ZFAND3: variants seen among roughly 807,000 people sequenced by gnomAD.
ZFAND3 encodes the protein AN1-type zinc finger protein 3.
Under a neutral mutation model 29.6 loss-of-function variants are expected in ZFAND3, and 10 were observed. That is an observed-to-expected ratio of 0.34 (90% CI 0.21 to 0.57). The LOEUF is 0.57. ZFAND3 is among the 20% of genes least tolerant of loss of function. The pLI is 0.86. For missense variants in ZFAND3, 230 were observed against 304.5 expected (o/e 0.76, Z 1.82); for synonymous variants, 128 against 112.6 (o/e 1.14, Z -0.87).
At chr6:37,977,333 G>A (rs988707737) in intron 2 of ZFAND3, among the ~76,000 whole-genome samples, 97 of 152,180 alleles carry the variant, frequency 6.4e-4, no homozygotes, top group African/African-American at 2.2e-3. Flanking sequence ...ACTGAGTCTC[G>A]CTCTGTCGCC....
intron 1 of ZFAND3, among the ~76,000 whole-genome samples, chr6:37,887,015 C>A (rs1248241951): frequency 2.0e-5 from 3 of 151,762 alleles, no homozygotes; most frequent in African/African-American, 4.9e-5. Context: ...AAAAAAAGAA[C>A]CAAAAACTGT....
chr6:38,105,936 T>A (rs1410073131), intron 4 of ZFAND3, among the ~76,000 whole-genome samples: 1 of 152,010 alleles, frequency 6.6e-6, no homozygotes, highest in Non-Finnish European at 1.5e-5. Context: ...ACCATTGACA[T>A]TTTAGTGAGA....
At chr6:37,970,889 A>C (rs1159165967) in intron 2 of ZFAND3, among the ~76,000 whole-genome samples, 1 of 152,084 alleles carries the variant, frequency 6.6e-6, no homozygotes, top group African/African-American at 2.4e-5. Flanking sequence ...TGGGCTACAG[A>C]GCGAGACTCC....
intron 1 of ZFAND3, among the ~76,000 whole-genome samples, chr6:37,866,861 C>G (rs191551313): frequency 3.9e-5 from 6 of 152,234 alleles, no homozygotes; most frequent in East Asian, 1.9e-4. Flanking sequence ...CTTCACGAAG[C>G]CTTTTAGGAA....
intron 2 of ZFAND3, among the ~76,000 whole-genome samples, chr6:37,991,815 A>G (rs1762763884): frequency 6.6e-6 from 1 of 152,068 alleles, no homozygotes; most frequent in Non-Finnish European, 1.5e-5. Context: ...CATATTTTTC[A>G]GTGATTGTTT....
intron 2 of ZFAND3, among the ~76,000 whole-genome samples, chr6:37,966,289 T>G (rs1003053932): frequency 6.6e-6 from 1 of 152,208 alleles, no homozygotes; most frequent in African/African-American, 2.4e-5. Context: ...GGGTTGGGTA[T>G]TCTCTTCCAA....
chr6:38,123,709 C>T lies in ZFAND3; in HGVS notation c.529+6970C>T, dbSNP rs572360432. The stretch of plus-strand genomic sequence containing the variant: ...CTCACTGACTTCAAGAATGAAGCTG[C>T]GGACCCTTGCGGTGAGTGTTACGGT... On this transcript the variant is annotated intron_variant, in intron 5 of 5. Transcript: ENST00000287218. 1.8e-4 allele frequency among the ~76,000 whole-genome samples: 27 copies of T among 152,188 alleles called. 1 individual carries two copies. The highest frequency in any genetic ancestry group is 4.2e-4 in the South Asian group (2 of 4,800).
intron 2 of ZFAND3, among the ~76,000 whole-genome samples, chr6:37,980,733 T>G (rs1235428148): frequency 6.6e-6 from 1 of 151,574 alleles, no homozygotes; most frequent in Admixed American, 6.6e-5. Context: ...GTCAAGAGTT[T>G]TATGACTTCA....
chr6:37,982,603 ATATC>A (rs944968124), intron 2 of ZFAND3, among the ~76,000 whole-genome samples: 6 of 152,204 alleles, frequency 3.9e-5, no homozygotes, highest in Non-Finnish European at 5.9e-5. Flanking sequence ...TTGTGTAAGT[ATATC>A]TACTGTGCTG....
chr6:37,918,551 CT>C (rs1464399037), intron 1 of ZFAND3, among the ~76,000 whole-genome samples: 10 of 152,094 alleles, frequency 6.6e-5, no homozygotes, highest in Non-Finnish European at 1.3e-4. Flanking sequence ...AATAATAATA[CT>C]TTAGGTTACT....
At chr6:38,092,567 T>C (rs146818950) in intron 4 of ZFAND3, among the ~76,000 whole-genome samples, 134 of 152,266 alleles carry the variant, frequency 8.8e-4, no homozygotes, top group African/African-American at 2.9e-3. Context: ...TTTAGAGTCA[T>C]GGGGAATGAT....
At chr6:38,029,050 G>A (rs1763500420) in intron 2 of ZFAND3, among the ~76,000 whole-genome samples, 1 of 152,154 alleles carries the variant, frequency 6.6e-6, no homozygotes, top group African/African-American at 2.4e-5. Context: ...AGAAAAATAA[G>A]TTAGTAGAAC....
At chr6:37,897,064 G>A (rs1402837567) in intron 1 of ZFAND3, among the ~76,000 whole-genome samples, 1 of 151,568 alleles carries the variant, frequency 6.6e-6, no homozygotes, top group Non-Finnish European at 1.5e-5. Context: ...CAAGTATGAT[G>A]TTAAATTTAC....
intron 2 of ZFAND3, among the ~76,000 whole-genome samples, chr6:37,950,762 T>TA (rs1042967895): frequency 2.0e-4 from 31 of 152,346 alleles, no homozygotes; most frequent in African/African-American, 7.2e-4. Context: ...TTACCAGTAC[T>TA]ATGCTGTTCT....
chr6:37,856,289 C>T (rs1465026956), intron 1 of ZFAND3, among the ~76,000 whole-genome samples: 1 of 152,186 alleles, frequency 6.6e-6, no homozygotes, highest in African/African-American at 2.4e-5. Flanking sequence ...GCCACTGTGC[C>T]TGGCTGGTTC....
chr6:38,085,445 G>A (rs1160296379), intron 4 of ZFAND3, among the ~76,000 whole-genome samples: 1 of 152,130 alleles, frequency 6.6e-6, no homozygotes, highest in Non-Finnish European at 1.5e-5. Context: ...AGACTAAGGT[G>A]GTTCTTTAAG....
At chr6:38,082,617 C>G (rs1360741708) in intron 4 of ZFAND3, among the ~76,000 whole-genome samples, 160 bp downstream of exon 4, 1 of 152,032 alleles carries the variant, frequency 6.6e-6, no homozygotes, top group African/African-American at 2.4e-5. Flanking sequence ...CAGCAGAGGT[C>G]AGAATGATGT....
chr6:38,061,488 T>C, intron 2 of ZFAND3, 105 bp from the exon 3 acceptor site: 1 of 1,357,544 alleles, frequency 7.4e-7, no homozygotes, highest in Non-Finnish European at 1.0e-6. Flanking sequence ...GATCAGTCTT[T>C]ATTATTGGTG....
At chr6:37,923,998 A>C (rs1408739954) in intron 1 of ZFAND3, among the ~76,000 whole-genome samples, 2 of 151,786 alleles carry the variant, frequency 1.3e-5, no homozygotes, top group Non-Finnish European at 2.9e-5. Context: ...TTTTTTCTAC[A>C]TTCTGTTCAA....
Sources: gnomAD v4.1 joint callset for allele counts (sites outside exome capture counted in the v4.1 genomes callset) on GRCh38, gnomAD v4.1.1 for gene constraint, MANE v1.5 for transcripts, NCBI Gene and HGNC (gene_info 2026-07-23, HGNC 2026-07-21) for gene names.